KCNK13: variants seen among roughly 807,000 people sequenced by gnomAD.
KCNK13 encodes potassium two pore domain channel subfamily K member 13.
Under a neutral mutation model 23.4 loss-of-function variants are expected in KCNK13, and 12 were observed. That is an observed-to-expected ratio of 0.51 (90% CI 0.33 to 0.83). The LOEUF (loss-of-function observed/expected upper bound fraction) is 0.83. Among genes scored for constraint, KCNK13 ranks in the 40% least tolerant of loss-of-function variants. The pLI, the probability that KCNK13 is intolerant of heterozygous loss-of-function variation, is 0.02. For synonymous variants in KCNK13, 231 were observed against 229.5 expected (o/e 1.01, Z -0.06); for missense variants, 463 against 556.3 (o/e 0.83, Z 1.69).
At chr14:90,134,027 C>T (rs1007007332) in intron 1 of KCNK13, among the ~76,000 whole-genome samples, 1 of 152,110 alleles carries the variant, frequency 6.6e-6, no homozygotes, top group Non-Finnish European at 1.5e-5. Context: ...TGGCTGAAAC[C>T]CTGGGACATA....
intron 1 of KCNK13, among the ~76,000 whole-genome samples, chr14:90,156,137 C>T (rs1396469659): frequency 2.0e-5 from 3 of 147,282 alleles, no homozygotes; most frequent in East Asian, 2.0e-4. Flanking sequence ...CCCGGTAGGT[C>T]GAGGCTGCAG....
At chr14:90,080,940 G>A (rs770427192) in intron 1 of KCNK13, among the ~76,000 whole-genome samples, 1 of 152,212 alleles carries the variant, frequency 6.6e-6, no homozygotes, top group Non-Finnish European at 1.5e-5. Flanking sequence ...ACCCCTGACA[G>A]TGTGCCCCTA....
intron 1 of KCNK13, among the ~76,000 whole-genome samples, chr14:90,064,319 A>G (rs1455404106): frequency 7.3e-6 from 1 of 137,096 alleles, no homozygotes; most frequent in Admixed American, 7.7e-5. Flanking sequence ...ACCACCATGA[A>G]AAACCATCTC....
intron 1 of KCNK13, among the ~76,000 whole-genome samples, chr14:90,077,598 A>G (rs1012703208): frequency 2.5e-4 from 38 of 152,204 alleles, no homozygotes; most frequent in African/African-American, 9.2e-4. Flanking sequence ...TTGATTCTCT[A>G]CCAGCTCACT....
At chr14:90,162,290 G>A (rs4900026) in intron 1 of KCNK13, among the ~76,000 whole-genome samples, 89,960 of 152,094 alleles carry the variant, frequency 0.59, 27,827 homozygotes, top group Non-Finnish European at 0.7. Flanking sequence ...AGAAACAGAT[G>A]TAAGAATTTT....
At chr14:90,154,629 A>G (rs1890174290) in intron 1 of KCNK13, among the ~76,000 whole-genome samples, 1 of 152,248 alleles carries the variant, frequency 6.6e-6, no homozygotes, top group Admixed American at 6.5e-5. Flanking sequence ...AGGACCATTC[A>G]GACATACTCA....
At chr14:90,146,625 T>C (rs1010821875) in intron 1 of KCNK13, among the ~76,000 whole-genome samples, 2 of 152,162 alleles carry the variant, frequency 1.3e-5, no homozygotes, top group African/African-American at 4.8e-5. Context: ...CTGGAATATC[T>C]TTTTTTCTTC....
rs148109122 is a variant in KCNK13 at position 90,152,229 on chromosome 14, C to T, written c.335-31882C>T. ...GTTTCCCTGCACACATTCTCTTGCC[C>T]GCTACCATGTAAGACATGCCTTTGC... On this transcript the variant is annotated intron_variant, in intron 1 of 1. Coordinates refer to ENST00000282146, the MANE Select transcript of KCNK13 (RefSeq NM_022054.4). Among the ~76,000 whole-genome samples, 485 of 152,264 alleles carry T rather than the reference C, an allele frequency of 3.2e-3. 4 individuals are homozygous for T. Among genetic ancestry groups the T allele is most frequent in the Admixed American group, 7.1e-3 (109 of 15,288 alleles).
Position 90,062,345 on chromosome 14 carries a change from G to T in KCNK13, c.140G>T (p.Arg47Leu), listed in dbSNP as rs749628212. Residue 47 changes from arginine (R) to leucine (L), a missense_variant, in exon 1 of 2, where the codon CGC becomes CTC. Physicochemically the swap from Arg to Leu is moderately radical, Grantham distance 102. Transcript: ENST00000282146. The surrounding 1 kb of genome is among the most constrained non-coding windows in gnomAD (Gnocchi z 4.5). ...TCCGCGCTGGAGCTGGCGCACGAGC[G>T]CCAGGCCAAGCAGCGCTGGGAGGAG... The part of the protein sequence containing the change: ...VFSALELAHE[R>L]QAKQRWEERL... 1.9e-6 allele frequency: 3 copies of T among 1,555,382 alleles called. No homozygotes were observed. The highest frequency in any genetic ancestry group is 3.8e-5 in the Admixed American group (2 of 52,756).
chr14:90,180,058 G>C (rs568340893), intron 1 of KCNK13, among the ~76,000 whole-genome samples: 117 of 152,264 alleles, frequency 7.7e-4, no homozygotes, highest in Non-Finnish European at 1.2e-3. Context: ...TGACAGTGAT[G>C]ACAATGAGCT....
At chr14:90,174,707 G>T (rs1890404077) in intron 1 of KCNK13, among the ~76,000 whole-genome samples, 1 of 151,822 alleles carries the variant, frequency 6.6e-6, no homozygotes, top group African/African-American at 2.4e-5. Flanking sequence ...TCCAAAAATT[G>T]GTTTTGTTTG....
At chr14:90,134,602 G>A (rs918955088) in intron 1 of KCNK13, among the ~76,000 whole-genome samples, 8 of 152,174 alleles carry the variant, frequency 5.3e-5, no homozygotes, top group East Asian at 1.9e-4. Context: ...AGCAGCTCAC[G>A]TTATTTAACT....
At chr14:90,078,568 G>A (rs1466318184) in intron 1 of KCNK13, among the ~76,000 whole-genome samples, 1 of 151,406 alleles carries the variant, frequency 6.6e-6, no homozygotes, top group East Asian at 1.9e-4. Context: ...GCAGAAAGAA[G>A]GAAGGAAGAG....
At chr14:90,170,323 C>T (rs1039398986) in intron 1 of KCNK13, among the ~76,000 whole-genome samples, 3 of 152,140 alleles carry the variant, frequency 2.0e-5, no homozygotes, top group Admixed American at 2.0e-4. Context: ...AGGTGATTCT[C>T]CTGCCTCAGC....
chr14:90,121,699 C>T (rs1468779241), intron 1 of KCNK13, among the ~76,000 whole-genome samples: 1 of 152,104 alleles, frequency 6.6e-6, no homozygotes, highest in Non-Finnish European at 1.5e-5. Flanking sequence ...GATTGCCTTT[C>T]AGCCTTACCT....
intron 1 of KCNK13, among the ~76,000 whole-genome samples, chr14:90,176,360 G>T (rs1055218372): frequency 2.6e-5 from 4 of 152,118 alleles, no homozygotes; most frequent in African/African-American, 9.7e-5. Flanking sequence ...AATGGGCCCA[G>T]TGAGGACCCA....
intron 1 of KCNK13, among the ~76,000 whole-genome samples, chr14:90,072,452 T>C (rs938406): frequency 1.3e-5 from 2 of 151,920 alleles, no homozygotes; most frequent in African/African-American, 4.8e-5. Flanking sequence ...GAAACAGCAT[T>C]GTGCTGGCCA....
chr14:90,101,401 G>A (rs912696659), intron 1 of KCNK13, among the ~76,000 whole-genome samples: 2 of 152,022 alleles, frequency 1.3e-5, no homozygotes, highest in Admixed American at 6.6e-5. Context: ...GGGGGCAGGG[G>A]CATCACATTC....
At chr14:90,109,176 C>CA (rs200541882) in intron 1 of KCNK13, among the ~76,000 whole-genome samples, 41,944 of 131,034 alleles carry the variant, frequency 0.32, 6,235 homozygotes, top group South Asian at 0.41. Flanking sequence ...GACTCCGTCT[C>CA]AAAAAAAAAA....
Sources: gnomAD v4.1 joint callset for allele counts (sites outside exome capture counted in the v4.1 genomes callset) on GRCh38, gnomAD v4.1.1 for gene constraint, Gnocchi (gnomAD v3.1) non-coding constraint, MANE v1.5 for transcripts, NCBI Gene and HGNC (gene_info 2026-07-23, HGNC 2026-07-21) for gene names.